Variants in SNTG2 observed in about 807,000 individuals in gnomAD.
SNTG2 encodes gamma-2-syntrophin.
Under a neutral mutation model 70.9 loss-of-function variants are expected in SNTG2, and 74 were observed. That is an observed-to-expected ratio of 1.04 (90% CI 0.86 to 1.27). SNTG2 has a LOEUF of 1.27. SNTG2 is among the 50% of genes most tolerant of loss of function. The probability of loss-of-function intolerance (pLI) is 0.00; values close to 1 mark genes in which losing one functional copy is unlikely to be tolerated. For synonymous variants in SNTG2, 278 were observed against 273.8 expected (o/e 1.02, Z -0.15); for missense variants, 717 against 690.7 (o/e 1.04, Z -0.43).
chr2:1,061,264 G>C (rs1038526450), intron 1 of SNTG2, among the ~76,000 whole-genome samples: 2 of 152,186 alleles, frequency 1.3e-5, no homozygotes, highest in African/African-American at 4.8e-5. Context: ...TTGGACGCTG[G>C]GGTGGAAAGA....
At chr2:1,092,495 G>C (rs1352409171) in intron 2 of SNTG2, among the ~76,000 whole-genome samples, 2 of 152,204 alleles carry the variant, frequency 1.3e-5, no homozygotes, top group South Asian at 4.1e-4. Context: ...TGGTACAGGC[G>C]CAGTGTTTTA....
chr2:1,235,850 G>A (rs1386242709), intron 9 of SNTG2, among the ~76,000 whole-genome samples: 1 of 152,226 alleles, frequency 6.6e-6, no homozygotes, highest in African/African-American at 2.4e-5. Context: ...GGGAACTTTT[G>A]AGGATTCTTC....
chr2:1,014,723 G>A (rs1197666384), intron 1 of SNTG2, among the ~76,000 whole-genome samples: 3 of 107,556 alleles, frequency 2.8e-5, no homozygotes, highest in Non-Finnish European at 3.8e-5. Flanking sequence ...TGGTCTGTAG[G>A]GGAATTTATA....
At chr2:1,033,065 A>G (rs572949793) in intron 1 of SNTG2, among the ~76,000 whole-genome samples, 1 of 152,172 alleles carries the variant, frequency 6.6e-6, no homozygotes, top group Non-Finnish European at 1.5e-5. Context: ...CTCACTCACT[A>G]TTGCAAGAAC....
intron 1 of SNTG2, among the ~76,000 whole-genome samples, chr2:1,057,986 C>T (rs2148105369): frequency 6.6e-6 from 1 of 152,158 alleles, no homozygotes; most frequent in South Asian, 2.1e-4. Flanking sequence ...GAGATGGCGC[C>T]ACTGCACTCC....
intron 4 of SNTG2, among the ~76,000 whole-genome samples, chr2:1,135,320 C>A (rs1405505481): frequency 8.4e-6 from 1 of 119,430 alleles, no homozygotes; most frequent in Non-Finnish European, 1.7e-5. Context: ...AACAAAATGC[C>A]ACTTTTTGCT....
At chr2:1,198,099 G>A (rs1673041191) in intron 8 of SNTG2, among the ~76,000 whole-genome samples, 1 of 151,422 alleles carries the variant, frequency 6.6e-6, no homozygotes, top group South Asian at 2.1e-4. Flanking sequence ...CATACATTAG[G>A]CCACAAAAAA....
At chr2:1,222,117 C>CTCTCTCTCTCTGTCTCTCTCTG in intron 9 of SNTG2, among the ~76,000 whole-genome samples, 1 of 37,452 alleles carries the variant, frequency 2.7e-5, no homozygotes, top group Non-Finnish European at 7.5e-5. Context: ...CTCTCTCTGT[C>CTCTCTCTCTCTGTCTCTCTCTG]TCTCTCTGTC....
chr2:1,173,087 T>C lies in SNTG2; in HGVS notation c.500-5T>C. 1.2e-6 allele frequency: 2 copies of C among 1,613,534 alleles called. No homozygotes were observed. ...TTGGAAGGGACTTCTCTTGTTTTGC[T>C]GCAGGGTCCCCAGGGCCATCCAGCG... On this transcript the variant is annotated splice_polypyrimidine_tract_variant and splice_region_variant and intron_variant, in intron 7 of 16. Coordinates refer to ENST00000308624, the MANE Select transcript of SNTG2 (RefSeq NM_018968.4).
intron 4 of SNTG2, among the ~76,000 whole-genome samples, chr2:1,135,785 A>G (rs1421222467): frequency 6.6e-6 from 1 of 152,214 alleles, no homozygotes; most frequent in Admixed American, 6.5e-5. Flanking sequence ...GACAATGACT[A>G]CTTTCCATAA....
At chr2:1,286,825 TCAATC>T (rs1424345472) in intron 14 of SNTG2, among the ~76,000 whole-genome samples, 1 of 152,202 alleles carries the variant, frequency 6.6e-6, no homozygotes, top group Non-Finnish European at 1.5e-5. Flanking sequence ...TTTGCATCCT[TCAATC>T]CAATCGAATT....
intron 1 of SNTG2, among the ~76,000 whole-genome samples, chr2:999,005 G>A (rs904656226): frequency 2.0e-5 from 3 of 152,072 alleles, no homozygotes; most frequent in Non-Finnish European, 4.4e-5. Flanking sequence ...GCTTCTTAAT[G>A]ATAAAAACTG....
chr2:1,217,472 C>T (rs188167129), intron 9 of SNTG2, among the ~76,000 whole-genome samples: 1 of 152,294 alleles, frequency 6.6e-6, no homozygotes, highest in African/African-American at 2.4e-5. Context: ...GACATAAAAA[C>T]ATAAGCATTC....
intron 4 of SNTG2, among the ~76,000 whole-genome samples, chr2:1,115,597 T>A (rs11677970): frequency 1 from 148,916 of 149,330 alleles, 74,251 homozygotes; most frequent in Middle Eastern, 1. Context: ...TGTCCCTTAC[T>A]GTCCTTTGAG....
At chr2:1,102,469 G>A (rs1236529184) in intron 4 of SNTG2, 1 of 152,430 alleles carries the variant, frequency 6.6e-6, no homozygotes, top group South Asian at 2.1e-4. Context: ...CACGTCACAT[G>A]CTGCTGAAGG....
At chr2:1,310,509 A>G (rs1000019906) in intron 15 of SNTG2, among the ~76,000 whole-genome samples, 24 of 152,122 alleles carry the variant, frequency 1.6e-4, no homozygotes, top group Admixed American at 1.4e-3. Flanking sequence ...TGAGCCCCGT[A>G]CCTGCAGGGG....
chr2:1,331,882 A>G (rs140711979), intron 16 of SNTG2, among the ~76,000 whole-genome samples: 1 of 152,214 alleles, frequency 6.6e-6, no homozygotes, highest in East Asian at 1.9e-4. Context: ...GGTACCAGGA[A>G]GGCCTGAAGT....
At chr2:1,249,961 A>C (rs1439611501) in intron 12 of SNTG2, among the ~76,000 whole-genome samples, 1 of 152,166 alleles carries the variant, frequency 6.6e-6, no homozygotes, top group Non-Finnish European at 1.5e-5. Context: ...ATGGTTGTGG[A>C]GAGTGAGGGC....
At chr2:1,206,113 G>A (rs142975362) in intron 8 of SNTG2, among the ~76,000 whole-genome samples, 4 of 152,334 alleles carry the variant, frequency 2.6e-5, no homozygotes, top group Middle Eastern at 3.4e-3. Flanking sequence ...TTTGTGATCA[G>A]CTGGTAGGAA....
Sources: allele counts gnomAD v4.1 joint callset (sites outside exome capture counted in the v4.1 genomes callset), GRCh38; gene constraint gnomAD v4.1.1; transcripts MANE v1.5; gene names NCBI Gene and HGNC (gene_info 2026-07-23, HGNC 2026-07-21).